TMED3: variants seen among roughly 807,000 people sequenced by gnomAD.
TMED3 encodes transmembrane p24 trafficking protein 3, also known as transmembrane emp24 domain-containing protein 3.
TMED3 carries 9 observed loss-of-function variants against 15.0 expected under a neutral mutation model. The ratio of observed to expected loss-of-function variants is 0.60; its 90% CI spans 0.36 to 1.04. The LOEUF (loss-of-function observed/expected upper bound fraction) is 1.04. Among genes scored for constraint, TMED3 ranks in the 50% least tolerant of loss-of-function variants. TMED3 has a pLI of 0.01. For synonymous variants in TMED3, 117 were observed against 121.4 expected (o/e 0.96, Z 0.24); for missense variants, 267 against 278.9 (o/e 0.96, Z 0.30).
intron 2 of TMED3, among the ~76,000 whole-genome samples, chr15:79,359,666 G>A (rs553344892): frequency 2.0e-5 from 3 of 152,334 alleles, no homozygotes; most frequent in African/African-American, 7.2e-5. Context: ...GAATTTGGGA[G>A]TTGTTTCTGA....
At chr15:79,381,374 G>A (rs1036424984) in intron 2 of TMED3, among the ~76,000 whole-genome samples, 3 of 152,174 alleles carry the variant, frequency 2.0e-5, no homozygotes, top group Non-Finnish European at 1.5e-5. Context: ...TAAGGTGAAT[G>A]TCTCTTAGTC....
At chr15:79,393,853 G>C (rs865860135) in intron 2 of TMED3, among the ~76,000 whole-genome samples, 7 of 152,012 alleles carry the variant, frequency 4.6e-5, no homozygotes, top group African/African-American at 1.5e-4. Flanking sequence ...ATGCCACCTT[G>C]CCCAACTAAT....
At chr15:79,374,350 T>C (rs1244130355) in intron 2 of TMED3, among the ~76,000 whole-genome samples, 1 of 152,180 alleles carries the variant, frequency 6.6e-6, no homozygotes, top group Admixed American at 6.5e-5. Context: ...GGAAGGAAAG[T>C]ATAATGAGGC....
exon 3 of TMED3, chr15:79,412,905 C>G (rs1894009727): frequency 6.6e-6 from 1 of 152,280 alleles, no homozygotes; most frequent in Non-Finnish European, 1.5e-5. Flanking sequence ...GAAGTTGGGC[C>G]TGATACCAAT....
intron 2 of TMED3, among the ~76,000 whole-genome samples, chr15:79,359,778 A>AAGTG (rs1410852579): frequency 4.6e-5 from 7 of 152,180 alleles, no homozygotes; most frequent in Admixed American, 2.6e-4. Context: ...CAAAAGGAAT[A>AAGTG]AGTGAGTAAA....
At chr15:79,411,641 G>A in exon 3 of TMED3, 1 of 615,928 alleles carries the variant, frequency 1.6e-6, no homozygotes, top group South Asian at 1.8e-5. Context: ...AGGGGAACAG[G>A]TGAGTTAAAC....
At chr15:79,400,785 C>T (rs1893823776) in intron 2 of TMED3, among the ~76,000 whole-genome samples, 2 of 152,176 alleles carry the variant, frequency 1.3e-5, no homozygotes, top group Admixed American at 1.3e-4. Flanking sequence ...GGTTGGATCA[C>T]TTAATGTCAA....
intron 2 of TMED3, among the ~76,000 whole-genome samples, chr15:79,377,408 GTGTC>G (rs1268156408): frequency 6.6e-6 from 1 of 152,010 alleles, no homozygotes; most frequent in East Asian, 1.9e-4. Flanking sequence ...CTCTAATACA[GTGTC>G]TGAAGTATGG....
At position 79,383,106 on chromosome 15, in the gene TMED3, G is replaced by C. The variant is rs1463567577; in HGVS notation, c.418-28294G>C. The stretch of plus-strand genomic sequence containing the variant: ...ATGGCTCTTTGCCTGTAGATCGCCA[G>C]GTACCCACAGCTTTACTGCCATGGT... On this transcript the variant is annotated intron_variant, in intron 2 of 2. Coordinates refer to the TMED3 transcript ENST00000424155. 5 of 1,347,220 alleles carry C rather than the reference G, an allele frequency of 3.7e-6. No individual in the cohort carries two copies. In the East Asian group the frequency reaches 1.0e-4, roughly 27 times the overall value. The allele number at this position is 1,347,220 out of a possible 1,614,324, so 83.5% of individuals were successfully genotyped here.
intron 2 of TMED3, among the ~76,000 whole-genome samples, chr15:79,377,740 C>T (rs916808526): frequency 2.0e-5 from 3 of 151,698 alleles, no homozygotes; most frequent in Admixed American, 6.6e-5. Context: ...CTCCGCCTCC[C>T]GGGTTCACCC....
At chr15:79,317,407 G>A (rs2058745402) in intron 2 of TMED3, among the ~76,000 whole-genome samples, 1 of 152,208 alleles carries the variant, frequency 6.6e-6, no homozygotes, top group African/African-American at 2.4e-5. Context: ...GACCAGTACT[G>A]CTGAATTCCC....
At chr15:79,317,432 G>C (rs116733045) in intron 2 of TMED3, among the ~76,000 whole-genome samples, 3 of 152,160 alleles carry the variant, frequency 2.0e-5, no homozygotes, top group Non-Finnish European at 4.4e-5. Flanking sequence ...CAGGGCCTAC[G>C]GTCCAAGGAG....
chr15:79,344,474 A>G (rs565614896), intron 2 of TMED3, among the ~76,000 whole-genome samples: 3 of 152,288 alleles, frequency 2.0e-5, no homozygotes, highest in South Asian at 2.1e-4. Flanking sequence ...GCTAGGATAC[A>G]TGACTAGGTT....
At chr15:79,325,800 G>A (rs1256278357), downstream of TMED3, among the ~76,000 whole-genome samples, 1 of 152,176 alleles carries the variant, frequency 6.6e-6, no homozygotes, top group Non-Finnish European at 1.5e-5. Context: ...CCTGCAGTCT[G>A]ATGTCCAAGG....
chr15:79,386,651 G>A (rs1893629822), intron 2 of TMED3, among the ~76,000 whole-genome samples: 2 of 151,266 alleles, frequency 1.3e-5, no homozygotes, highest in South Asian at 2.1e-4. Flanking sequence ...GCAATTCTCT[G>A]CCTCAGCCTC....
chr15:79,402,875 C>G (rs1567040885), intron 2 of TMED3, among the ~76,000 whole-genome samples: 1 of 152,060 alleles, frequency 6.6e-6, no homozygotes, highest in Non-Finnish European at 1.5e-5. Context: ...TGACTGAGCC[C>G]AGTCCTCACA....
intron 2 of TMED3, among the ~76,000 whole-genome samples, chr15:79,362,913 A>G (rs995321785): frequency 6.6e-6 from 1 of 152,250 alleles, no homozygotes; most frequent in Admixed American, 6.5e-5. Flanking sequence ...TAATACAAGA[A>G]TAATTGCAAA....
At chr15:79,312,502 C>T (rs1342095518) in intron 1 of TMED3, among the ~76,000 whole-genome samples, 1 of 152,184 alleles carries the variant, frequency 6.6e-6, no homozygotes, top group Non-Finnish European at 1.5e-5. Flanking sequence ...CACTTAGCAA[C>T]AGGATACTCA....
chr15:79,352,841 T>TATATAAAATATAC (rs1378308988), intron 2 of TMED3, among the ~76,000 whole-genome samples: 1 of 123,476 alleles, frequency 8.1e-6, no homozygotes, highest in Non-Finnish European at 1.7e-5. Flanking sequence ...TATATATATA[T>TATATAAAATATAC]ATATAAAATA....
Sources: gnomAD v4.1 joint callset for allele counts (sites outside exome capture counted in the v4.1 genomes callset) on GRCh38, gnomAD v4.1.1 for gene constraint, MANE v1.5 for transcripts, NCBI Gene and HGNC (gene_info 2026-07-23, HGNC 2026-07-21) for gene names.